Variants in LDLRAD4 observed in about 807,000 individuals in gnomAD.
The protein encoded by LDLRAD4 is low-density lipoprotein receptor class A domain-containing protein 4.
LDLRAD4 carries 5 observed loss-of-function variants against 17.0 expected under a neutral mutation model. That is an observed-to-expected ratio of 0.29 (90% CI 0.15 to 0.62). The LOEUF (loss-of-function observed/expected upper bound fraction) is 0.62. Ranked by LOEUF, LDLRAD4 falls within the 20% of genes least tolerant of loss-of-function variation. The pLI, the probability that LDLRAD4 is intolerant of heterozygous loss-of-function variation, is 0.84. For missense variants in LDLRAD4, 340 were observed against 424.7 expected (o/e 0.80, Z 1.75); for synonymous variants, 168 against 171.8 (o/e 0.98, Z 0.17).
At chr18:13,430,526 T>C (rs185603387) in intron 2 of LDLRAD4, among the ~76,000 whole-genome samples, 1 of 152,230 alleles carries the variant, frequency 6.6e-6, no homozygotes, top group Admixed American at 6.5e-5. Context: ...ACCTACCACG[T>C]TGTACACAGT....
intron 1 of LDLRAD4, among the ~76,000 whole-genome samples, chr18:13,271,383 C>G (rs2044529519): frequency 6.6e-6 from 1 of 152,152 alleles, no homozygotes; most frequent in South Asian, 2.1e-4. Context: ...TGGAGAGGGA[C>G]CCTCTGAGCC....
chr18:13,454,526 C>T (rs185152932), intron 3 of LDLRAD4, among the ~76,000 whole-genome samples: 6 of 152,278 alleles, frequency 3.9e-5, no homozygotes, highest in Admixed American at 3.3e-4. Context: ...TATTTTCGTG[C>T]TCTTACTTTG....
chr18:13,573,880 C>T (rs2094727966), intron 3 of LDLRAD4, among the ~76,000 whole-genome samples: 1 of 152,230 alleles, frequency 6.6e-6, no homozygotes, highest in Non-Finnish European at 1.5e-5. Context: ...AGAAGCCAGA[C>T]ATTCCGTGGG....
chr18:13,559,895 A>G (rs1432833927), intron 3 of LDLRAD4, among the ~76,000 whole-genome samples: 1 of 88,736 alleles, frequency 1.1e-5, no homozygotes, highest in East Asian at 2.4e-4. Context: ...GTATCCAGAC[A>G]GCACTTTGCT....
At chr18:13,469,476 A>G (rs2092710705) in intron 3 of LDLRAD4, among the ~76,000 whole-genome samples, 1 of 152,268 alleles carries the variant, frequency 6.6e-6, no homozygotes, top group Admixed American at 6.5e-5. Flanking sequence ...GAGAGTGGAA[A>G]TAACTTACAA....
At chr18:13,265,464 G>A (rs180723827) in intron 1 of LDLRAD4, among the ~76,000 whole-genome samples, 71 of 152,298 alleles carry the variant, frequency 4.7e-4, no homozygotes, top group African/African-American at 1.7e-3. Flanking sequence ...CTGTCCTGCA[G>A]CACAAATGTC....
intron 1 of LDLRAD4, among the ~76,000 whole-genome samples, chr18:13,254,476 C>T (rs1488169818): frequency 1.3e-5 from 2 of 152,162 alleles, no homozygotes; most frequent in African/African-American, 4.8e-5. Context: ...GAGAGAATCC[C>T]GCCTCTTCAA....
intron 1 of LDLRAD4, among the ~76,000 whole-genome samples, chr18:13,268,357 T>C (rs1295898736): frequency 6.6e-6 from 1 of 152,146 alleles, no homozygotes; most frequent in Non-Finnish European, 1.5e-5. Flanking sequence ...CATCTGAAAA[T>C]ATGGGGCTTC....
intron 1 of LDLRAD4, among the ~76,000 whole-genome samples, chr18:13,321,203 G>T (rs2081199310): frequency 6.6e-6 from 1 of 152,024 alleles, no homozygotes; most frequent in Non-Finnish European, 1.5e-5. Context: ...CCGGTCTCCT[G>T]CCCCTACCCG....
intron 1 of LDLRAD4, among the ~76,000 whole-genome samples, chr18:13,245,093 G>A (rs969509485): frequency 1.3e-5 from 2 of 152,162 alleles, no homozygotes; most frequent in African/African-American, 4.8e-5. Context: ...TCCCCTAAGT[G>A]GGAGCTGTGC....
intron 3 of LDLRAD4, chr18:13,515,343 A>G (rs1426368127): frequency 1.3e-5 from 2 of 152,264 alleles, no homozygotes; most frequent in Non-Finnish European, 2.9e-5. Context: ...CCAAATGTGG[A>G]GCAAAGAACA....
rs140184789 is a variant in LDLRAD4 at position 13,514,310 on chromosome 18, C to A, written c.181+75926C>A. The stretch of plus-strand genomic sequence containing the variant: ...CTACAATGAGATAATAAACCAATTT[C>A]ACATAATTACTGTGGGAATTAGATG... On this transcript the variant is annotated intron_variant, in intron 3 of 5. Coordinates refer to ENST00000359446, the Ensembl canonical transcript of LDLRAD4. Among the ~76,000 whole-genome samples, 7 of 152,336 alleles carry A rather than the reference C, an allele frequency of 4.6e-5. No individual in the cohort carries two copies. In the South Asian group the frequency reaches 6.2e-4, roughly 14 times the overall value.
At chr18:13,496,544 A>C (rs2093473508) in intron 3 of LDLRAD4, among the ~76,000 whole-genome samples, 1 of 152,212 alleles carries the variant, frequency 6.6e-6, no homozygotes, top group African/African-American at 2.4e-5. Context: ...GAGGAGATCG[A>C]AATTCAGCCT....
At chr18:13,226,710 G>GAATAAAATAAAATAAAATAAAATAA (rs60378544) in intron 1 of LDLRAD4, among the ~76,000 whole-genome samples, 3 of 139,486 alleles carry the variant, frequency 2.2e-5, no homozygotes, top group East Asian at 2.1e-4. Flanking sequence ...TTTAAAATTT[G>GAATAAAATAAAATAAAATAAAATAA]AATAAAATAA....
At chr18:13,251,752 G>T (rs948376352) in intron 1 of LDLRAD4, among the ~76,000 whole-genome samples, 4 of 152,240 alleles carry the variant, frequency 2.6e-5, no homozygotes, top group African/African-American at 9.6e-5. Flanking sequence ...GTACTTGGAA[G>T]AAGTACTGTA....
chr18:13,524,337 C>T (rs1488253001), intron 3 of LDLRAD4, among the ~76,000 whole-genome samples: 2 of 152,194 alleles, frequency 1.3e-5, no homozygotes, highest in Non-Finnish European at 2.9e-5. Context: ...CTTAAAATTA[C>T]ACATTCTGTT....
chr18:13,484,554 A>G (rs28501331), intron 3 of LDLRAD4, among the ~76,000 whole-genome samples: 1 of 152,264 alleles, frequency 6.6e-6, no homozygotes, highest in Middle Eastern at 3.4e-3. Context: ...GGCTGCAGTG[A>G]GGTCATGGCT....
At chr18:13,400,822 T>G (rs1471129320) in intron 2 of LDLRAD4, among the ~76,000 whole-genome samples, 1 of 152,128 alleles carries the variant, frequency 6.6e-6, no homozygotes, top group African/African-American at 2.4e-5. Flanking sequence ...CACTCCTAGA[T>G]TTATTGACTT....
intron 3 of LDLRAD4, among the ~76,000 whole-genome samples, chr18:13,479,694 G>A (rs1035271606): frequency 6.6e-6 from 1 of 151,982 alleles, no homozygotes; most frequent in African/African-American, 2.4e-5. Flanking sequence ...ATCTGATAAT[G>A]GACCAAACTA....
Sources: gnomAD v4.1 joint callset for allele counts (sites outside exome capture counted in the v4.1 genomes callset) on GRCh38, gnomAD v4.1.1 for gene constraint, MANE v1.5 for transcripts, NCBI Gene and HGNC (gene_info 2026-07-23, HGNC 2026-07-21) for gene names.